The following LRMDA variants were observed in gnomAD, a reference collection of about 807,000 sequenced individuals.
LRMDA encodes the protein leucine rich melanocyte differentiation associated, also known as leucine-rich melanocyte differentiation-associated protein.
In LRMDA, 18 loss-of-function variants were observed where a neutral mutation model predicts 29.8. That is an observed-to-expected ratio of 0.60 (90% CI 0.42 to 0.90). The LOEUF is 0.90. LRMDA is among the 40% of genes least tolerant of loss of function. The pLI, the probability that LRMDA is intolerant of heterozygous loss-of-function variation, is 0.00. For missense variants in LRMDA, 273 were observed against 273.9 expected (o/e 1.00, Z 0.02); for synonymous variants, 125 against 109.4 (o/e 1.14, Z -0.89).
intron 2 of LRMDA, among the ~76,000 whole-genome samples, chr10:75,630,836 T>C (rs1251680333): frequency 6.6e-6 from 1 of 152,224 alleles, no homozygotes; most frequent in Non-Finnish European, 1.5e-5. Flanking sequence ...GCCTTCATTC[T>C]TGGAATCAGC....
intron 5 of LRMDA, among the ~76,000 whole-genome samples, chr10:76,117,380 T>C (rs1280142899): frequency 6.6e-6 from 1 of 152,170 alleles, no homozygotes; most frequent in Non-Finnish European, 1.5e-5. Flanking sequence ...CTCTTCTTGT[T>C]GTGGGACAAA....
At chr10:76,040,718 C>A (rs1848326283) in intron 3 of LRMDA, among the ~76,000 whole-genome samples, 1 of 152,200 alleles carries the variant, frequency 6.6e-6, no homozygotes, top group Admixed American at 6.5e-5. Context: ...CCTGAAAATT[C>A]AGGAAAGTGT....
At chr10:76,452,898 TATTTCTATTATGCC>T (rs1171322462) in intron 6 of LRMDA, among the ~76,000 whole-genome samples, 2 of 152,100 alleles carry the variant, frequency 1.3e-5, no homozygotes, top group Non-Finnish European at 2.9e-5. Context: ...GTATAAGGGG[TATTTCTATTATGCC>T]ATGCAACTTC....
At chr10:75,742,545 G>A (rs993317959) in intron 2 of LRMDA, among the ~76,000 whole-genome samples, 1 of 152,190 alleles carries the variant, frequency 6.6e-6, no homozygotes, top group Non-Finnish European at 1.5e-5. Context: ...TTCATGATAA[G>A]CCACATGGGG....
At chr10:75,957,451 G>A (rs1340704578) in intron 2 of LRMDA, among the ~76,000 whole-genome samples, 3 of 152,222 alleles carry the variant, frequency 2.0e-5, no homozygotes, top group African/African-American at 7.2e-5. Flanking sequence ...CAGTAGAACT[G>A]CTGCTAGGTT....
intron 2 of LRMDA, among the ~76,000 whole-genome samples, chr10:75,498,447 C>T (rs998957479): frequency 2.6e-5 from 4 of 152,024 alleles, no homozygotes; most frequent in African/African-American, 7.2e-5. Flanking sequence ...GATGGAGCGA[C>T]GTGTGTGTGT....
chr10:76,006,983 CGT>C lies in LRMDA; in HGVS notation c.132-28977_132-28976del, dbSNP rs572881040. Among the ~76,000 whole-genome samples, 600 of 116,194 alleles carry C rather than the reference CGT, an allele frequency of 5.2e-3. 10 individuals are homozygous for C. The highest frequency in any genetic ancestry group is 0.017 in the African/African-American group (479 of 27,954). 76.2% of individuals were successfully genotyped at this position (116,194 alleles called of 152,430 possible). On this transcript the variant is annotated intron_variant, in intron 2 of 6. Coordinates refer to ENST00000611255, the MANE Select transcript of LRMDA (RefSeq NM_001305581.2). ...GCTAAAGTTTGCAGGATGGAGAAGG[CGT>C]GTGTGTGTGTGTGTGTGTGTGTGTG... is the stretch of plus-strand genomic sequence containing the variant.
chr10:75,814,525 C>T (rs1017346846), intron 2 of LRMDA, among the ~76,000 whole-genome samples: 1 of 152,200 alleles, frequency 6.6e-6, no homozygotes, highest in African/African-American at 2.4e-5. Context: ...TCTTAAGACA[C>T]CTTTTTCCCA....
chr10:76,004,726 ATTTTTTTTTTT>A (rs926291826), intron 2 of LRMDA, among the ~76,000 whole-genome samples: 1 of 134,036 alleles, frequency 7.5e-6, no homozygotes, highest in African/African-American at 2.8e-5. Context: ...TTTTCTTTTA[ATTTTTTTTTTT>A]TTTTTTTTGA....
intron 2 of LRMDA, among the ~76,000 whole-genome samples, chr10:75,903,635 T>C (rs1213338301): frequency 1.3e-5 from 2 of 152,178 alleles, no homozygotes; most frequent in Non-Finnish European, 2.9e-5. Flanking sequence ...ACTAGAAAAA[T>C]GCCAGAGCCT....
At chr10:76,355,336 CAGAACTCTCCGTTAA>C (rs1300660249) in intron 6 of LRMDA, among the ~76,000 whole-genome samples, 1 of 152,092 alleles carries the variant, frequency 6.6e-6, no homozygotes, top group Non-Finnish European at 1.5e-5. Context: ...ATCCTAAACC[CAGAACTCTCCGTTAA>C]AGAAATTGTA....
chr10:75,749,916 C>G (rs549522701), intron 2 of LRMDA, among the ~76,000 whole-genome samples: 22 of 152,252 alleles, frequency 1.4e-4, no homozygotes, highest in East Asian at 5.8e-4. Flanking sequence ...AGTGGACACA[C>G]CACATGTTTC....
chr10:76,502,894 G>C (rs530785470), intron 6 of LRMDA, among the ~76,000 whole-genome samples: 1 of 151,758 alleles, frequency 6.6e-6, no homozygotes, highest in East Asian at 1.9e-4. Context: ...TCTTTCTCTT[G>C]ACTGATTGCT....
intron 2 of LRMDA, among the ~76,000 whole-genome samples, chr10:75,685,148 T>C (rs892279421): frequency 6.6e-6 from 1 of 152,222 alleles, no homozygotes; most frequent in African/African-American, 2.4e-5. Context: ...GTAAAGCTGC[T>C]GCAGTCATGC....
intron 4 of LRMDA, among the ~76,000 whole-genome samples, chr10:76,050,576 G>C (rs1848514409): frequency 6.6e-6 from 1 of 152,178 alleles, no homozygotes; most frequent in Non-Finnish European, 1.5e-5. Context: ...TACACACCAT[G>C]CTGCTATTTT....
intron 2 of LRMDA, among the ~76,000 whole-genome samples, chr10:75,491,645 A>C (rs911990204): frequency 7.9e-5 from 12 of 152,168 alleles, no homozygotes; most frequent in African/African-American, 2.9e-4. Flanking sequence ...AGCATTGTTT[A>C]TAGAGTGTTT....
intron 2 of LRMDA, among the ~76,000 whole-genome samples, chr10:75,960,624 T>G (rs1846747624): frequency 6.6e-6 from 1 of 152,228 alleles, no homozygotes; most frequent in Non-Finnish European, 1.5e-5. Context: ...TTTTATTTAT[T>G]TATTTTAGAG....
At chr10:76,514,340 A>G (rs1411687169) in intron 6 of LRMDA, among the ~76,000 whole-genome samples, 11 of 152,180 alleles carry the variant, frequency 7.2e-5, no homozygotes, top group Non-Finnish European at 1.3e-4. Context: ...GCCATCACCT[A>G]GATCATCCTC....
intron 6 of LRMDA, among the ~76,000 whole-genome samples, chr10:76,388,207 A>G (rs1188409140): frequency 6.6e-6 from 1 of 152,236 alleles, no homozygotes; most frequent in East Asian, 1.9e-4. Flanking sequence ...GATGCCATAG[A>G]GACCACTTAT....
Sources: allele counts gnomAD v4.1 joint callset (sites outside exome capture counted in the v4.1 genomes callset), GRCh38; gene constraint gnomAD v4.1.1; transcripts MANE v1.5; gene names NCBI Gene and HGNC (gene_info 2026-07-23, HGNC 2026-07-21).